CHD2: variants seen among roughly 807,000 people sequenced by gnomAD.
CHD2 encodes the protein chromodomain helicase DNA binding protein 2, also known as ATP-dependent chromatin remodeler CHD2.
Under a neutral mutation model 243.9 loss-of-function variants are expected in CHD2, and 28 were observed. That is an observed-to-expected ratio of 0.11 (90% CI 0.09 to 0.16). The LOEUF (loss-of-function observed/expected upper bound fraction) is 0.16, where lower values mean the gene tolerates loss of function less well. Among genes scored for constraint, CHD2 ranks in the 10% least tolerant of loss-of-function variants. The pLI is 1.00. For missense variants in CHD2, 1,386 were observed against 2,209.8 expected, an observed-to-expected ratio of 0.63 and a Z score of 7.47; for synonymous variants, 775 against 779.0, an observed-to-expected ratio of 0.99 and a Z score of 0.09.
intron 24 of CHD2, among the ~76,000 whole-genome samples, chr15:92,983,357 TA>T (rs2054003346): frequency 6.6e-6 from 1 of 152,324 alleles, no homozygotes; most frequent in African/African-American, 2.4e-5. Flanking sequence ...TTGGAAAAGT[TA>T]AATTCCTTAC....
intron 16 of CHD2, among the ~76,000 whole-genome samples, chr15:92,963,399 C>T (rs1011945802): frequency 2.0e-5 from 3 of 152,152 alleles, no homozygotes; most frequent in South Asian, 2.1e-4. Flanking sequence ...AGTACTGACT[C>T]AGTTCTGGTA....
At chr15:92,947,838 A>G (rs2053493979) in intron 12 of CHD2, among the ~76,000 whole-genome samples, 1 of 152,340 alleles carries the variant, frequency 6.6e-6, no homozygotes, top group East Asian at 1.9e-4. Context: ...GAACACATCA[A>G]TAACCTTATC....
chr15:92,949,939 T>G (rs2053530137), intron 13 of CHD2, among the ~76,000 whole-genome samples: 1 of 152,236 alleles, frequency 6.6e-6, no homozygotes, highest in African/African-American at 2.4e-5. Flanking sequence ...TGGCTGGAGC[T>G]GGACCGCACA....
chr15:92,985,147 T>G (rs1360779878), intron 25 of CHD2, among the ~76,000 whole-genome samples: 1 of 152,164 alleles, frequency 6.6e-6, no homozygotes, highest in Non-Finnish European at 1.5e-5. Context: ...AACCATCTGT[T>G]ATAGGTACTA....
intron 16 of CHD2, 133 bp downstream of exon 16, chr15:92,956,782 G>GA: frequency 1.3e-6 from 1 of 748,014 alleles, no homozygotes; most frequent in Admixed American, 3.1e-5. Context: ...TGGAGGCAGG[G>GA]ATGGCGGTAG....
intron 13 of CHD2, 135 bp downstream of exon 13, chr15:92,949,211 G>C: frequency 6.7e-7 from 1 of 1,486,604 alleles, no homozygotes; most frequent in South Asian, 1.4e-5. Flanking sequence ...GCATATTACA[G>C]AAATAAAAGA....
At chr15:92,950,964 T>C (rs2053546258) in intron 13 of CHD2, among the ~76,000 whole-genome samples, 1 of 152,172 alleles carries the variant, frequency 6.6e-6, no homozygotes, top group African/African-American at 2.4e-5. Flanking sequence ...ATAATGATTC[T>C]GAATTGCTTA....
In CHD2 at chr15:92,998,486, T is replaced by C; in HGVS notation, c.3886-13T>C. ...GGGTGGTGGCGGGTGCTTCTCTTCC[T>C]TTCTTGTTGAAGATTCTGCCGGTGG... On this transcript the variant is annotated splice_polypyrimidine_tract_variant and intron_variant, in intron 30 of 38. Coordinates refer to ENST00000394196, the MANE Select transcript of CHD2 (RefSeq NM_001271.4). This position sits in a 1 kb window ranked among gnomAD's most constrained non-coding sequence, Gnocchi z 5.1. 6.2e-7 allele frequency: 1 copy of C among 1,613,792 alleles called. No individual in the cohort carries two copies. The highest frequency in any genetic ancestry group is 1.1e-5 in the South Asian group (1 of 91,064).
chr15:92,975,058 T>A, intron 20 of CHD2, 108 bp downstream of exon 20: 1 of 859,490 alleles, frequency 1.2e-6, no homozygotes, highest in East Asian at 2.7e-5. Context: ...AGTGCAATTC[T>A]TTTGCCTTGA....
intron 36 of CHD2, 103 bp from the exon 37 acceptor site, chr15:93,014,593 T>A (rs1028583701): frequency 1.1e-5 from 11 of 1,019,550 alleles, no homozygotes; most frequent in Non-Finnish European, 1.5e-5. Flanking sequence ...TTCAGAAGTT[T>A]AAGAAGGACA....
intron 38 of CHD2, among the ~76,000 whole-genome samples, chr15:93,023,678 TG>T (rs1190660190): frequency 2.8e-4 from 39 of 138,738 alleles, no homozygotes; most frequent in African/African-American, 5.2e-4. Context: ...GTTTTTTTTT[TG>T]TGTTTTTTTT....
At chr15:92,983,371 C>G (rs2054003419) in intron 24 of CHD2, among the ~76,000 whole-genome samples, 1 of 152,202 alleles carries the variant, frequency 6.6e-6, no homozygotes, top group African/African-American at 2.4e-5. Flanking sequence ...TTCCTTACTG[C>G]ATGAACCACT....
chr15:92,940,883 T>C (rs2053358882), intron 7 of CHD2, among the ~76,000 whole-genome samples: 3 of 90,114 alleles, frequency 3.3e-5, no homozygotes, highest in Non-Finnish European at 7.0e-5. Flanking sequence ...TACATATAAA[T>C]ATATATAAAA....
chr15:92,964,003 A>G (rs2034542778), intron 16 of CHD2, among the ~76,000 whole-genome samples: 3 of 152,228 alleles, frequency 2.0e-5, no homozygotes, highest in Non-Finnish European at 4.4e-5. Flanking sequence ...TTTGCTCCTA[A>G]GTGGTCATAA....
At chr15:93,015,039 TTTC>T in intron 37 of CHD2, 130 bp downstream of exon 37, 2 of 741,656 alleles carry the variant, frequency 2.7e-6, no homozygotes, top group Non-Finnish European at 4.4e-6. Context: ...TGTCCTCTCT[TTTC>T]TTAATGAGAG....
intron 28 of CHD2, 90 bp downstream of exon 28, chr15:92,993,088 A>AG (rs1379273755): frequency 7.4e-6 from 10 of 1,342,446 alleles, no homozygotes; most frequent in Non-Finnish European, 9.4e-6. Context: ...GACAGGCTTG[A>AG]GGACCACACA....
chr15:92,975,981 A>G (rs1483035031), intron 20 of CHD2, among the ~76,000 whole-genome samples: 2 of 152,296 alleles, frequency 1.3e-5, no homozygotes, highest in East Asian at 1.9e-4. Flanking sequence ...TAAAATCACA[A>G]TGATTCTGAT....
At chr15:92,991,119 A>G (rs1037170910) in intron 26 of CHD2, among the ~76,000 whole-genome samples, 1 of 152,142 alleles carries the variant, frequency 6.6e-6, no homozygotes, top group African/African-American at 2.4e-5. Flanking sequence ...GTTTGTCACA[A>G]TAGAGTCGTG....
intron 17 of CHD2, among the ~76,000 whole-genome samples, chr15:92,971,199 C>T (rs2053836472): frequency 6.6e-6 from 1 of 152,138 alleles, no homozygotes; most frequent in African/African-American, 2.4e-5. Flanking sequence ...TGCTTGGGGA[C>T]CAGAAGTATT....
Sources: allele counts gnomAD v4.1 joint callset (sites outside exome capture counted in the v4.1 genomes callset), GRCh38; gene constraint gnomAD v4.1.1; non-coding constraint Gnocchi (gnomAD v3.1); transcripts MANE v1.5; gene names NCBI Gene and HGNC (gene_info 2026-07-23, HGNC 2026-07-21).